Variants in GSE1 observed in about 807,000 individuals in gnomAD.
GSE1 encodes the protein Gse1 coiled-coil protein, also known as genetic suppressor element 1.
GSE1 carries 32 observed loss-of-function variants against 112.6 expected under a neutral mutation model. The ratio of observed to expected loss-of-function variants is 0.28; its 90% CI spans 0.21 to 0.38. The LOEUF (loss-of-function observed/expected upper bound fraction) is 0.38, where lower values mean the gene tolerates loss of function less well. GSE1 is among the 10% of genes least tolerant of loss of function. The pLI, the probability that GSE1 is intolerant of heterozygous loss-of-function variation, is 1.00. For synonymous variants in GSE1, 1,115 were observed against 735.6 expected, an observed-to-expected ratio of 1.52 and a Z score of -8.35; for missense variants, 2,348 against 1,699.2, an observed-to-expected ratio of 1.38 and a Z score of -6.71.
chr16:85,454,953 A>G (rs181871452), intron 2 of GSE1, among the ~76,000 whole-genome samples: 165 of 152,266 alleles, frequency 1.1e-3, no homozygotes, highest in African/African-American at 3.6e-3. Context: ...GGGTGAGGGT[A>G]TGGACAGATC....
At chr16:85,391,628 G>A (rs2047840954) in intron 2 of GSE1, among the ~76,000 whole-genome samples, 1 of 152,150 alleles carries the variant, frequency 6.6e-6, no homozygotes, top group South Asian at 2.1e-4. Context: ...AAGGACGCAG[G>A]TCGTAATTTA....
At chr16:85,292,328 G>GTTTT (rs57225210) in intron 1 of GSE1, among the ~76,000 whole-genome samples, 1 of 140,672 alleles carries the variant, frequency 7.1e-6, no homozygotes. Context: ...TTTTGTTTTT[G>GTTTT]TTTTTTTTTT....
intron 1 of GSE1, among the ~76,000 whole-genome samples, chr16:85,337,694 C>T (rs1042092549): frequency 1.3e-5 from 2 of 152,200 alleles, no homozygotes; most frequent in African/African-American, 4.8e-5. Context: ...TCCTTGCCTT[C>T]AGGGGTCCAT....
intron 1 of GSE1, among the ~76,000 whole-genome samples, chr16:85,255,412 CTTTTT>C (rs869059709): frequency 7.1e-6 from 1 of 141,112 alleles, no homozygotes; most frequent in African/African-American, 2.6e-5. Context: ...TCAGTGCCTA[CTTTTT>C]TTTTTTTTTT....
At chr16:85,349,817 T>G (rs1173474296) in intron 1 of GSE1, among the ~76,000 whole-genome samples, 1 of 152,152 alleles carries the variant, frequency 6.6e-6, no homozygotes. Flanking sequence ...CCTCAGCCCA[T>G]CAGCAAACCT....
At chr16:85,520,301 C>A (rs1198374562) in intron 2 of GSE1, among the ~76,000 whole-genome samples, 1 of 152,220 alleles carries the variant, frequency 6.6e-6, no homozygotes, top group Non-Finnish European at 1.5e-5. Context: ...CAACTCCTAA[C>A]ACCATCACTT....
intron 1 of GSE1, among the ~76,000 whole-genome samples, chr16:85,295,123 G>C (rs895956089): frequency 1.3e-5 from 2 of 152,090 alleles, no homozygotes; most frequent in Non-Finnish European, 2.9e-5. Flanking sequence ...ATTTGAGGGA[G>C]ATACATTCAG....
At chr16:85,434,306 TCTAATAATAATAATA>T (rs2049189454) in intron 2 of GSE1, among the ~76,000 whole-genome samples, 1 of 88,344 alleles carries the variant, frequency 1.1e-5, no homozygotes, top group Non-Finnish European at 2.2e-5. Flanking sequence ...AGGATGGTGG[TCTAATAATAATAATA>T]ATAATAATAA....
chr16:85,659,692 A>G (rs2052273512), intron 8 of GSE1: 1 of 152,250 alleles, frequency 6.6e-6, no homozygotes, highest in South Asian at 2.1e-4. Flanking sequence ...TAAGCTGGAA[A>G]AACAATACTA....
intron 1 of GSE1, among the ~76,000 whole-genome samples, chr16:85,597,650 T>A (rs1598327010): frequency 6.6e-6 from 1 of 151,624 alleles, no homozygotes; most frequent in African/African-American, 2.4e-5. Flanking sequence ...TTGTATTTTT[T>A]TGTAGAGATG....
chr16:85,600,105 A>G (rs538121633), intron 1 of GSE1, among the ~76,000 whole-genome samples: 4 of 152,260 alleles, frequency 2.6e-5, no homozygotes, highest in Non-Finnish European at 5.9e-5. Flanking sequence ...AGCCAGAGAG[A>G]CACGGGGTCC....
intron 1 of GSE1, among the ~76,000 whole-genome samples, chr16:85,280,290 G>A (rs963188828): frequency 3.9e-5 from 6 of 152,140 alleles, no homozygotes; most frequent in African/African-American, 1.2e-4. Context: ...ACCAGTCCAG[G>A]GTGAGGCTTC....
intron 2 of GSE1, among the ~76,000 whole-genome samples, chr16:85,647,154 A>G (rs1344467368): frequency 6.6e-6 from 1 of 152,158 alleles, no homozygotes; most frequent in African/African-American, 2.4e-5. Flanking sequence ...GCACCTGCAG[A>G]TGGGCCGGGG....
At chr16:85,273,974 G>C (rs912798719) in intron 1 of GSE1, among the ~76,000 whole-genome samples, 2 of 151,132 alleles carry the variant, frequency 1.3e-5, no homozygotes, top group African/African-American at 4.9e-5. Flanking sequence ...TGGGATTACA[G>C]GTGTGAGCCA....
intron 2 of GSE1, among the ~76,000 whole-genome samples, chr16:85,538,014 C>T (rs963377506): frequency 2.0e-5 from 3 of 152,200 alleles, no homozygotes; most frequent in Non-Finnish European, 4.4e-5. Flanking sequence ...GCCAGAAGTG[C>T]AGCCTTGGGC....
rs1249418335 is a variant in GSE1 at position 85,404,898 on chromosome 16, G to A, written c.2464+47255G>A. 1.3e-4 allele frequency among the ~76,000 whole-genome samples: 5 copies of A among 39,622 alleles called. No homozygotes were observed. The South Asian group carries it at 6.2e-3, about 49-fold the overall frequency. The allele number at this position is 39,622 out of a possible 152,430, so 26.0% of individuals were successfully genotyped here. A position where few individuals can be genotyped will look rare whatever the true frequency, so the allele number is the denominator to read the frequency against. On this transcript the variant is annotated intron_variant, in intron 2 of 2. Coordinates refer to the GSE1 transcript ENST00000637419. ...CTCACTGTTGCACTCAGGGCCCCCCGGATAATCCTCACTGTTACTCTCAGG... is the reference window on the plus strand; with the variant it reads ...CTCACTGTTGCACTCAGGGCCCCCCAGATAATCCTCACTGTTACTCTCAGG...
At chr16:85,459,493 C>T (rs1459671093) in intron 2 of GSE1, among the ~76,000 whole-genome samples, 1 of 152,224 alleles carries the variant, frequency 6.6e-6, no homozygotes, top group Non-Finnish European at 1.5e-5. Context: ...TGTTGGCTCC[C>T]ATCACCATCC....
At chr16:85,456,487 C>T (rs975538130) in intron 2 of GSE1, among the ~76,000 whole-genome samples, 1 of 151,980 alleles carries the variant, frequency 6.6e-6, no homozygotes, top group African/African-American at 2.4e-5. Context: ...TTTCACACTG[C>T]CACGAAGTCC....
intron 2 of GSE1, among the ~76,000 whole-genome samples, chr16:85,548,449 C>T (rs2151227698): frequency 6.6e-6 from 1 of 152,102 alleles, no homozygotes; most frequent in East Asian, 1.9e-4. Context: ...CCTCTGTCAT[C>T]ATGAGATCCA....
Sources: allele counts gnomAD v4.1 joint callset (sites outside exome capture counted in the v4.1 genomes callset), GRCh38; gene constraint gnomAD v4.1.1; transcripts MANE v1.5; gene names NCBI Gene and HGNC (gene_info 2026-07-23, HGNC 2026-07-21).